ZNF638: variants seen among roughly 807,000 people sequenced by gnomAD.
The protein encoded by ZNF638 is CTCL tumor antigen se33-1.
A neutral mutation model predicts 195.6 loss-of-function variants in ZNF638; 46 were observed. The observed-to-expected ratio is 0.24, with a 90% CI of 0.19 to 0.30. The LOEUF is 0.30. Ranked by LOEUF, ZNF638 falls within the 10% of genes least tolerant of loss-of-function variation. The pLI is 1.00. For missense variants in ZNF638, 2,440 were observed against 2,325.3 expected, an observed-to-expected ratio of 1.05 and a Z score of -1.01; for synonymous variants, 845 against 772.0, an observed-to-expected ratio of 1.09 and a Z score of -1.57.
At chr2:71,384,073 A>G (rs1407056106) in intron 10 of ZNF638, among the ~76,000 whole-genome samples, 4 of 152,086 alleles carry the variant, frequency 2.6e-5, no homozygotes, top group Non-Finnish European at 4.4e-5. Context: ...CTTCTGTTCA[A>G]CATAATTCAG....
At chr2:71,356,922 ACTT>A (rs1179508610) in intron 3 of ZNF638, among the ~76,000 whole-genome samples, 1 of 152,088 alleles carries the variant, frequency 6.6e-6, no homozygotes, top group Non-Finnish European at 1.5e-5. Flanking sequence ...TGTCAGAAAT[ACTT>A]CTTTCTTAGC....
chr2:71,420,457 C>T (rs539564780), intron 21 of ZNF638, among the ~76,000 whole-genome samples: 32 of 152,230 alleles, frequency 2.1e-4, no homozygotes, highest in African/African-American at 6.7e-4. Context: ...AAACAGTTGG[C>T]CTCTGAAATA....
chr2:71,428,508 CT>C, intron 24 of ZNF638, 38 bp from the exon 25 acceptor site: 1 of 1,540,704 alleles, frequency 6.5e-7, no homozygotes, highest in Non-Finnish European at 8.9e-7. Context: ...AATTTAAATA[CT>C]GTTACTAGAG....
chr2:71,382,733 A>C (rs760072438), intron 10 of ZNF638, among the ~76,000 whole-genome samples: 4 of 152,234 alleles, frequency 2.6e-5, no homozygotes, highest in Non-Finnish European at 5.9e-5. Context: ...TTAAATATAA[A>C]ATAAACATTA....
At chr2:71,433,023 G>C (rs2080698246) in intron 26 of ZNF638, 142 bp from the exon 27 acceptor site, 2 of 686,660 alleles carry the variant, frequency 2.9e-6, no homozygotes, top group East Asian at 5.0e-5. Flanking sequence ...GGAGGCAGAG[G>C]TTGCAGTGAG....
intron 10 of ZNF638, chr2:71,388,322 G>A: frequency 2.1e-6 from 1 of 473,308 alleles, no homozygotes. Context: ...TCCGACCTTT[G>A]ATCATCCGAC....
chr2:71,336,570 A>AT (rs1201326324), intron 1 of ZNF638, among the ~76,000 whole-genome samples: 1 of 152,204 alleles, frequency 6.6e-6, no homozygotes, highest in Non-Finnish European at 1.5e-5. Flanking sequence ...ACTGTTGAGC[A>AT]TTTTTTGAGC....
In ZNF638 at chr2:71,350,001, G is replaced by A; in HGVS notation, c.1047G>A (p.Glu349=). The change falls in exon 2 of 28, where the codon GAG becomes GAA. Residue 349 remains glutamate (E), a synonymous_variant. Coordinates refer to ENST00000264447, the MANE Select transcript of ZNF638 (RefSeq NM_014497.5). The part of the protein sequence containing the change: ...SELISSVSQQ[E]RIPHEPVINS... ...TAATTTCATCTGTAAGCCAGCAAGAGCGGATCCCACATGAACCTGTGATTA... is the reference window on the plus strand; with the variant it reads ...TAATTTCATCTGTAAGCCAGCAAGAACGGATCCCACATGAACCTGTGATTA... The A allele has an allele frequency of 6.2e-7, 1 of 1,614,162 alleles. No individual in the cohort carries two copies. Among genetic ancestry groups the A allele is most frequent in the Non-Finnish European group, 8.5e-7 (1 of 1,180,038 alleles).
chr2:71,410,792 AG>A (rs2080198663), intron 20 of ZNF638, among the ~76,000 whole-genome samples: 1 of 152,154 alleles, frequency 6.6e-6, no homozygotes, highest in Non-Finnish European at 1.5e-5. Flanking sequence ...GCAAGCTCTA[AG>A]AAAATTTCAA....
At chr2:71,332,486 G>T (rs1407040332) in intron 1 of ZNF638, among the ~76,000 whole-genome samples, 1 of 152,216 alleles carries the variant, frequency 6.6e-6, no homozygotes, top group Non-Finnish European at 1.5e-5. Flanking sequence ...TCTGTGCTGC[G>T]TAGTGCAGGT....
chr2:71,352,978 T>C (rs878932320), intron 2 of ZNF638, among the ~76,000 whole-genome samples: 1 of 152,206 alleles, frequency 6.6e-6, no homozygotes, highest in African/African-American at 2.4e-5. Context: ...ATCTAAGTAA[T>C]GAATTTTTCA....
At chr2:71,344,072 G>C (rs547433436) in intron 1 of ZNF638, among the ~76,000 whole-genome samples, 1 of 152,228 alleles carries the variant, frequency 6.6e-6, no homozygotes. Flanking sequence ...GGAGGTTGCA[G>C]TGAGCCAAGA....
At chr2:71,424,792 T>C in intron 23 of ZNF638, 77 bp downstream of exon 23, 3 of 1,216,546 alleles carry the variant, frequency 2.5e-6, no homozygotes, top group Non-Finnish European at 3.5e-6. Context: ...AACTTGTGCC[T>C]GCCTTAACAA....
intron 1 of ZNF638, among the ~76,000 whole-genome samples, chr2:71,336,716 A>G (rs2078677470): frequency 6.6e-6 from 1 of 152,134 alleles, no homozygotes; most frequent in South Asian, 2.1e-4. Flanking sequence ...GTTAGCAAGC[A>G]GTGGGACCAG....
chr2:71,352,461 G>A (rs1324330078), intron 2 of ZNF638, among the ~76,000 whole-genome samples: 1 of 145,550 alleles, frequency 6.9e-6, no homozygotes, highest in Non-Finnish European at 1.5e-5. Context: ...CTGGGTGACA[G>A]AGCGAGACTC....
chr2:71,429,064 C>T (rs1190654030), intron 25 of ZNF638: 1 of 157,322 alleles, frequency 6.4e-6, no homozygotes, highest in Non-Finnish European at 1.4e-5. Flanking sequence ...ACTTTAGTCA[C>T]TCAGCAGATA....
chr2:71,358,054 T>C (rs1358350633), intron 3 of ZNF638, among the ~76,000 whole-genome samples: 2 of 152,212 alleles, frequency 1.3e-5, no homozygotes, highest in African/African-American at 4.8e-5. Context: ...ATCTGTTCCA[T>C]GCTTCTCTCC....
At chr2:71,393,157 C>T (rs2079818457) in intron 10 of ZNF638, among the ~76,000 whole-genome samples, 1 of 150,350 alleles carries the variant, frequency 6.7e-6, no homozygotes, top group Non-Finnish European at 1.5e-5. Context: ...GCTCAGAAAA[C>T]AAAAAGGGGA....
intron 26 of ZNF638, 129 bp from the exon 27 acceptor site, chr2:71,433,036 G>A (rs2080698547): frequency 4.1e-6 from 3 of 731,388 alleles, no homozygotes; most frequent in Admixed American, 2.1e-5. Context: ...GCAGTGAGCT[G>A]ACATCGCGCC....
Sources: gnomAD v4.1 joint callset for allele counts (sites outside exome capture counted in the v4.1 genomes callset) on GRCh38, gnomAD v4.1.1 for gene constraint, MANE v1.5 for transcripts, NCBI Gene and HGNC (gene_info 2026-07-23, HGNC 2026-07-21) for gene names.